The following VWA8 variants were observed in gnomAD, a reference collection of about 807,000 sequenced individuals.
VWA8 encodes the protein von Willebrand factor A domain containing 8.
A neutral mutation model predicts 241.5 loss-of-function variants in VWA8; 221 were observed. That is an observed-to-expected ratio of 0.91 (90% CI 0.82 to 1.02). VWA8 has a LOEUF of 1.02. VWA8 is among the 50% of genes least tolerant of loss of function. The pLI is 0.00. For missense variants in VWA8, 2,322 were observed against 2,328.7 expected (o/e 1.00, Z 0.06); for synonymous variants, 852 against 827.1 (o/e 1.03, Z -0.52).
chr13:41,732,283 CA>C (rs538704604), intron 21 of VWA8, 128 bp from the exon 22 acceptor site: 352 of 567,200 alleles, frequency 6.2e-4, no homozygotes, highest in South Asian at 1.5e-3. Flanking sequence ...CTTCCCCCAC[CA>C]AAAAAAAACA....
At chr13:41,752,106 A>G (rs556360813) in intron 21 of VWA8, among the ~76,000 whole-genome samples, 8 of 150,838 alleles carry the variant, frequency 5.3e-5, no homozygotes, top group Non-Finnish European at 1.2e-4. Context: ...ACCTATTTCA[A>G]TATGTTCCTT....
chr13:41,959,508 A>AC lies in VWA8; in HGVS notation c.163+1344_163+1345insG, dbSNP rs199841696. ...TGAGAAAAAGCAAAAAAAAAAAAAA[A>AC]AACAAAAAGTAAAATTTGAAATTGC... On this transcript the variant is annotated intron_variant, in intron 1 of 44. Transcript: ENST00000379310. Among the ~76,000 whole-genome samples the AC allele has an allele frequency of 6.1e-3, 923 of 150,604 alleles. 14 individuals carry two copies. Among genetic ancestry groups the AC allele is most frequent in the African/African-American group, 0.022 (885 of 40,960 alleles).
chr13:41,960,913 C>CCGGCCTGCGCTGCA lies in VWA8; in HGVS notation c.89_102dup (p.Gly35CysfsTer38). 6.6e-7 allele frequency: 1 copy of CCGGCCTGCGCTGCA among 1,510,158 alleles called. No individual in the cohort carries two copies. The highest frequency in any genetic ancestry group is 1.2e-5 in the South Asian group (1 of 82,438). 93.5% of individuals were successfully genotyped at this position (1,510,158 alleles called of 1,614,324 possible). On this transcript the variant is annotated frameshift_variant, in exon 1 of 45. Transcript: ENST00000379310. LOFTEE classifies it high-confidence loss of function. The stretch of plus-strand genomic sequence containing the variant: ...ACCTCCGGCCGCTGCCTGTCGCCAC[C>CCGGCCTGCGCTGCA]CGGCCTGCGCTGCACCACCTGCCGC...
At chr13:41,804,224 A>C (rs947339147) in intron 17 of VWA8, among the ~76,000 whole-genome samples, 1 of 152,202 alleles carries the variant, frequency 6.6e-6, no homozygotes, top group Non-Finnish European at 1.5e-5. Context: ...AACTCAAAAA[A>C]GACAACCTCA....
At chr13:41,904,542 A>G (rs770467306) in intron 4 of VWA8, among the ~76,000 whole-genome samples, 10 of 152,080 alleles carry the variant, frequency 6.6e-5, no homozygotes, top group Non-Finnish European at 1.0e-4. Context: ...AACCTTGTCA[A>G]TTGGGGGTGG....
At chr13:41,710,374 G>A (rs1002733785) in intron 26 of VWA8, among the ~76,000 whole-genome samples, 1 of 152,174 alleles carries the variant, frequency 6.6e-6, no homozygotes, top group Non-Finnish European at 1.5e-5. Flanking sequence ...CTGCATGCAT[G>A]AGAGAAGATT....
chr13:41,579,462 G>A (rs373937021), intron 42 of VWA8, among the ~76,000 whole-genome samples: 2 of 152,214 alleles, frequency 1.3e-5, no homozygotes, highest in Non-Finnish European at 2.9e-5. Flanking sequence ...AGGCTCTGAC[G>A]TTAACAAGCT....
chr13:41,666,904 C>G (rs1438300455), intron 37 of VWA8, among the ~76,000 whole-genome samples: 1 of 152,158 alleles, frequency 6.6e-6, no homozygotes, highest in Non-Finnish European at 1.5e-5. Context: ...AAAGCATTGC[C>G]TTTCTGGGCC....
intron 16 of VWA8, among the ~76,000 whole-genome samples, chr13:41,816,045 C>T (rs1870674840): frequency 6.6e-6 from 1 of 151,694 alleles, no homozygotes; most frequent in Admixed American, 6.6e-5. Context: ...AGAATAGGAA[C>T]AGATTTAAAA....
intron 26 of VWA8, among the ~76,000 whole-genome samples, chr13:41,712,643 T>C (rs774834358): frequency 3.0e-4 from 45 of 152,208 alleles, no homozygotes; most frequent in Non-Finnish European, 5.3e-4. Context: ...ATGAAAACAG[T>C]TGACTAAACA....
intron 26 of VWA8, among the ~76,000 whole-genome samples, chr13:41,715,702 AAT>A (rs1290006343): frequency 6.6e-6 from 1 of 152,038 alleles, no homozygotes; most frequent in Non-Finnish European, 1.5e-5. Context: ...ATTCTCTTAA[AAT>A]ATATATGTTA....
intron 14 of VWA8, 114 bp from the exon 15 acceptor site, chr13:41,819,500 G>A (rs930651137): frequency 1.8e-6 from 2 of 1,107,522 alleles, no homozygotes; most frequent in Middle Eastern, 2.7e-4. Flanking sequence ...TAATGTCAAT[G>A]TTATCATCCA....
intron 21 of VWA8, among the ~76,000 whole-genome samples, chr13:41,747,889 C>A (rs1416932538): frequency 6.6e-6 from 1 of 152,112 alleles, no homozygotes; most frequent in Non-Finnish European, 1.5e-5. Flanking sequence ...TGTTTATATG[C>A]TGGATTACGT....
rs534857738 is a variant in VWA8, at chr13:41,776,682, C to T, written c.2349+1303G>A. ...CACGCATTATCTCATGACATCCTTA[C>T]GTTAGCCCAAAGGGACCATACTATT... On this transcript the variant is annotated intron_variant, in intron 20 of 44. Coordinates refer to ENST00000379310, the MANE Select transcript of VWA8 (RefSeq NM_015058.2). Among the ~76,000 whole-genome samples, 5 of 152,262 alleles carry T rather than the reference C, an allele frequency of 3.3e-5. No individual in the cohort carries two copies. The South Asian group carries it at 8.3e-4, about 25-fold the overall frequency.
chr13:41,621,569 A>G (rs1293934658), intron 37 of VWA8, among the ~76,000 whole-genome samples: 1 of 152,210 alleles, frequency 6.6e-6, no homozygotes, highest in Non-Finnish European at 1.5e-5. Context: ...ATAAATTTTA[A>G]AAAACCAGAA....
chr13:41,708,361 T>TAA (rs879272082), intron 26 of VWA8, among the ~76,000 whole-genome samples: 1 of 145,860 alleles, frequency 6.9e-6, no homozygotes, highest in Non-Finnish European at 1.5e-5. Context: ...AATTTGGTCT[T>TAA]AAAAAAAAAA....
At chr13:41,832,024 G>A (rs1333852816) in intron 13 of VWA8, among the ~76,000 whole-genome samples, 4 of 151,416 alleles carry the variant, frequency 2.6e-5, no homozygotes, top group Admixed American at 6.6e-5. Flanking sequence ...TCCACCTCCC[G>A]GGTTCAAGCA....
chr13:41,660,420 G>A (rs1006914099), intron 37 of VWA8, among the ~76,000 whole-genome samples: 1 of 152,054 alleles, frequency 6.6e-6, no homozygotes, highest in Non-Finnish European at 1.5e-5. Flanking sequence ...CTGGCCAGAT[G>A]ATCACCCTTC....
At chr13:41,887,415 G>C in intron 5 of VWA8, 54 bp from the exon 6 acceptor site, 1 of 1,547,498 alleles carries the variant, frequency 6.5e-7, no homozygotes, top group South Asian at 1.2e-5. Flanking sequence ...AATCACAACT[G>C]TAAGAGCTGC....
Sources: gnomAD v4.1 joint callset for allele counts (sites outside exome capture counted in the v4.1 genomes callset) on GRCh38, gnomAD v4.1.1 for gene constraint, MANE v1.5 for transcripts, NCBI Gene and HGNC (gene_info 2026-07-23, HGNC 2026-07-21) for gene names.